The following STX12 variants were observed in gnomAD, a reference collection of about 807,000 sequenced individuals.
The protein encoded by STX12 is syntaxin-12.
In STX12, 17 loss-of-function variants were observed where a neutral mutation model predicts 42.2. The ratio of observed to expected loss-of-function variants is 0.40; its 90% CI spans 0.28 to 0.60. The LOEUF is 0.60. Among genes scored for constraint, STX12 ranks in the 20% least tolerant of loss-of-function variants. The probability of loss-of-function intolerance (pLI) is 0.39; values close to 1 mark genes in which losing one functional copy is unlikely to be tolerated. For synonymous variants in STX12, 108 were observed against 116.7 expected, an observed-to-expected ratio of 0.93 and a Z score of 0.48; for missense variants, 297 against 330.9, an observed-to-expected ratio of 0.90 and a Z score of 0.79.
At chr1:27,800,617 C>T (rs1291895107) in intron 3 of STX12, among the ~76,000 whole-genome samples, 1 of 151,886 alleles carries the variant, frequency 6.6e-6, no homozygotes, top group Admixed American at 6.6e-5. Context: ...CAGCCTCAAC[C>T]TTCCAGGGTC....
rs1411075499 is a variant in STX12, at chr1:27,791,730, G to A, written c.189-1803G>A. ...CTTGGGAGGCTGAGGCAGGGGAATC[G>A]CTTGAACCTGGGAGGCGGAGGTTGC... On this transcript the variant is annotated intron_variant, in intron 2 of 8. Coordinates refer to ENST00000373943, the MANE Select transcript of STX12 (RefSeq NM_177424.3). Among the ~76,000 whole-genome samples the A allele has an allele frequency of 5.3e-5, 8 of 151,592 alleles. 1 individual carries two copies. The East Asian group carries it at 1.2e-3, about 22-fold the overall frequency.
chr1:27,822,240 C>G lies in STX12; in HGVS notation c.742C>G (p.Arg248Gly), dbSNP rs781115502. Reference sequence around the variant, plus strand: ...ATATTTCTTTCCTCAGAAAAAATCTCGCAAGAAGATGTGTATCCTGGTGCT... The same window carrying G: ...ATATTTCTTTCCTCAGAAAAAATCTGGCAAGAAGATGTGTATCCTGGTGCT... ...QRAAYYQKKS[R>G]KKMCILVLVL... Residue 248 changes from arginine (R) to glycine (G), a missense_variant, in exon 9 of 9, where the codon CGC (arginine) becomes GGC (glycine). By Grantham distance (125) the Arg-to-Gly change is moderately radical (BLOSUM62 -2). Coordinates refer to ENST00000373943, the MANE Select transcript of STX12 (RefSeq NM_177424.3). 6.2e-7 allele frequency: 1 copy of G among 1,608,380 alleles called. No homozygotes were observed. Among genetic ancestry groups the G allele is most frequent in the Non-Finnish European group, 8.5e-7 (1 of 1,174,946 alleles).
intron 8 of STX12, among the ~76,000 whole-genome samples, chr1:27,821,150 T>C (rs967221761): frequency 2.7e-5 from 4 of 150,608 alleles, no homozygotes; most frequent in African/African-American, 9.8e-5. Context: ...ACATGTACCC[T>C]AAAACTTAAC....
At chr1:27,816,780 G>A (rs2088946160) in intron 6 of STX12, among the ~76,000 whole-genome samples, 1 of 152,068 alleles carries the variant, frequency 6.6e-6, no homozygotes, top group Non-Finnish European at 1.5e-5. Context: ...TCCGGGCGTG[G>A]TGGCATGGGC....
chr1:27,816,975 G>A (rs1429627239), intron 6 of STX12, among the ~76,000 whole-genome samples: 1 of 141,856 alleles, frequency 7.0e-6, no homozygotes, highest in Admixed American at 7.2e-5. Context: ...GGGAGGGAGG[G>A]AAAAAAGGAA....
chr1:27,822,623 T>C lies in STX12; in HGVS notation c.*294T>C. The C allele has an allele frequency of 1.5e-5, 4 of 274,984 alleles. No individual in the cohort carries two copies. The highest frequency in any genetic ancestry group is 2.8e-5 in the Non-Finnish European group (4 of 142,774). 17.0% of individuals were successfully genotyped at this position (274,984 alleles called of 1,614,324 possible). A position where few individuals can be genotyped will look rare whatever the true frequency, so the allele number is the denominator to read the frequency against. The stretch of plus-strand genomic sequence containing the variant: ...TTTACTGAAAATTCCATTCTAGATA[T>C]TCTTGTTTTGACAAATGACACTACA... On this transcript the variant is annotated 3_prime_UTR_variant, in exon 9 of 9. Coordinates refer to ENST00000373943, the MANE Select transcript of STX12 (RefSeq NM_177424.3).
At chr1:27,812,328 T>C (rs1468769097) in intron 6 of STX12, 60 bp downstream of exon 6, 13 of 1,202,126 alleles carry the variant, frequency 1.1e-5, no homozygotes, top group African/African-American at 1.5e-5. Context: ...CTGAACTCCT[T>C]AGTTCACTTT....
At chr1:27,792,231 C>CATATATATGTATCTATATATATGTAG (rs2088751155) in intron 2 of STX12, among the ~76,000 whole-genome samples, 2 of 123,134 alleles carry the variant, frequency 1.6e-5, no homozygotes, top group African/African-American at 5.9e-5. Context: ...TATGTATATA[C>CATATATATGTATCTATATATATGTAG]ATATATATGT....
In STX12 at chr1:27,773,640, C is replaced by A. The variant is rs1236632328; in HGVS notation, c.118+215C>A. 2.0e-5 allele frequency among the ~76,000 whole-genome samples: 3 copies of A among 152,218 alleles called. No homozygotes were observed. In the East Asian group the frequency reaches 5.8e-4, roughly 29 times the overall value. ...GCCCCAGCTGAAGCTTGAGCTGCTTCTCTGGAGTTCTGCCCCCACGGTGCT... is the reference window on the plus strand; with the variant it reads ...GCCCCAGCTGAAGCTTGAGCTGCTTATCTGGAGTTCTGCCCCCACGGTGCT... On this transcript the variant is annotated intron_variant, in intron 1 of 8. Transcript: ENST00000373943.
intron 6 of STX12, among the ~76,000 whole-genome samples, chr1:27,817,522 C>T (rs1372481424): frequency 6.6e-6 from 1 of 152,196 alleles, no homozygotes. Context: ...GCTTTTGTCA[C>T]AAGGCCTAGC....
At chr1:27,780,533 A>G (rs1361171964) in intron 1 of STX12, among the ~76,000 whole-genome samples, 1 of 152,046 alleles carries the variant, frequency 6.6e-6, no homozygotes, top group Admixed American at 6.5e-5. Context: ...AGTCAGAAAG[A>G]TCATGGACTC....
intron 4 of STX12, among the ~76,000 whole-genome samples, chr1:27,807,949 C>T (rs1162522409): frequency 6.6e-6 from 1 of 151,962 alleles, no homozygotes; most frequent in Non-Finnish European, 1.5e-5. Flanking sequence ...CAGTATAATT[C>T]CATTTATGTA....
intron 6 of STX12, among the ~76,000 whole-genome samples, chr1:27,816,287 C>A (rs530692418): frequency 6.6e-6 from 1 of 151,774 alleles, no homozygotes; most frequent in Non-Finnish European, 1.5e-5. Context: ...GCACTCCAGC[C>A]TAGCAACAAG....
Position 27,790,338 on chromosome 1 carries a change from G to A in STX12, c.188+707G>A, listed in dbSNP as rs879652477. ...AGCAAAACAACAAAGCTTCCACAGCGTGGAAGAGGATCTGAGCAGGTTGCT... is the reference window on the plus strand; with the variant it reads ...AGCAAAACAACAAAGCTTCCACAGCATGGAAGAGGATCTGAGCAGGTTGCT... On this transcript the variant is annotated intron_variant, in intron 2 of 8. Coordinates refer to ENST00000373943, the MANE Select transcript of STX12 (RefSeq NM_177424.3). 2.4e-4 allele frequency among the ~76,000 whole-genome samples: 37 copies of A among 152,300 alleles called. 1 individual carries two copies. Among genetic ancestry groups the A allele is most frequent in the East Asian group, 1.2e-3 (6 of 5,182 alleles).
intron 4 of STX12, among the ~76,000 whole-genome samples, chr1:27,805,303 T>G (rs1291441112): frequency 1.3e-5 from 2 of 152,210 alleles, no homozygotes; most frequent in African/African-American, 2.4e-5. Context: ...ATACACTTAT[T>G]ACATATTAAC....
intron 1 of STX12, among the ~76,000 whole-genome samples, chr1:27,779,584 G>A (rs1341349468): frequency 6.6e-6 from 1 of 151,740 alleles, no homozygotes; most frequent in Non-Finnish European, 1.5e-5. Context: ...CACCTGCCTC[G>A]GCCTCCGAAA....
chr1:27,810,144 C>G (rs180863834), intron 4 of STX12, 102 bp from the exon 5 acceptor site: 2 of 1,028,078 alleles, frequency 1.9e-6, no homozygotes, highest in African/African-American at 3.2e-5. Context: ...CTGTGGGTGT[C>G]AAAGGATGTT....
At chr1:27,818,216 C>G (rs552258488) in intron 7 of STX12, 1 of 259,428 alleles carries the variant, frequency 3.9e-6, no homozygotes, top group South Asian at 6.0e-5. Context: ...CCCGTCTCTA[C>G]TAAAAATACA....
Position 27,822,369 on chromosome 1 carries a change from C to A in STX12, c.*40C>A. 7.6e-7 allele frequency: 1 copy of A among 1,320,032 alleles called. No individual in the cohort carries two copies. The highest frequency in any genetic ancestry group is 1.1e-6 in the Non-Finnish European group (1 of 911,694). 81.8% of individuals were successfully genotyped at this position (1,320,032 alleles called of 1,614,324 possible). A position where few individuals can be genotyped will look rare whatever the true frequency, so the allele number is the denominator to read the frequency against. On this transcript the variant is annotated 3_prime_UTR_variant, in exon 9 of 9. Transcript: ENST00000373943. ...TCTCCCGCTGAGCTGTTTTCAAGGG[C>A]AAGTGCTTGTTGAAGTCTTGCCAGA...
Sources: allele counts gnomAD v4.1 joint callset (sites outside exome capture counted in the v4.1 genomes callset), GRCh38; gene constraint gnomAD v4.1.1; transcripts MANE v1.5; gene names NCBI Gene and HGNC (gene_info 2026-07-23, HGNC 2026-07-21).